ANAPC5: variants seen among roughly 807,000 people sequenced by gnomAD.
ANAPC5 encodes the protein anaphase promoting complex subunit 5, also known as anaphase-promoting complex subunit 5.
ANAPC5 carries 60 observed loss-of-function variants against 91.3 expected under a neutral mutation model. The observed-to-expected ratio is 0.66, with a 90% CI of 0.53 to 0.81. The LOEUF (loss-of-function observed/expected upper bound fraction) is 0.81. Ranked by LOEUF, ANAPC5 falls within the 40% of genes least tolerant of loss-of-function variation. ANAPC5 has a pLI of 0.00. For synonymous variants in ANAPC5, 340 were observed against 364.1 expected (o/e 0.93, Z 0.75); for missense variants, 690 against 931.5 (o/e 0.74, Z 3.37).
chr12:121,313,013 C>T (rs919391089), intron 15 of ANAPC5, among the ~76,000 whole-genome samples: 15 of 152,186 alleles, frequency 9.9e-5, no homozygotes, highest in African/African-American at 3.4e-4. Flanking sequence ...AATCAATAAG[C>T]GAATCTTCCA....
In ANAPC5 at chr12:121,318,718, G is replaced by A. The variant is rs1322673391; in HGVS notation, c.1638-110C>T. Reference sequence around the variant, plus strand: ...CCTCCCAAGGGAAAAAACTGTGCCTGATTTAATTTTTGTTGAAAGAGGCTG... The same window carrying A: ...CCTCCCAAGGGAAAAAACTGTGCCTAATTTAATTTTTGTTGAAAGAGGCTG... On this transcript the variant is annotated intron_variant, in intron 13 of 16. Coordinates refer to ENST00000261819, the MANE Select transcript of ANAPC5 (RefSeq NM_016237.5). 2.7e-5 allele frequency: 28 copies of A among 1,027,380 alleles called. No homozygotes were observed. In the East Asian group the frequency reaches 6.8e-4, roughly 25 times the overall value. The allele number at this position is 1,027,380 out of a possible 1,614,324, so 63.6% of individuals were successfully genotyped here.
intron 15 of ANAPC5, among the ~76,000 whole-genome samples, chr12:121,313,216 C>T (rs974859443): frequency 1.3e-5 from 2 of 152,030 alleles, no homozygotes; most frequent in African/African-American, 4.8e-5. Flanking sequence ...ATCCCAGCTA[C>T]TCGGGAGGCT....
At chr12:121,309,518 C>A (rs956976589) in intron 16 of ANAPC5, among the ~76,000 whole-genome samples, 183 bp downstream of exon 16, 1 of 152,122 alleles carries the variant, frequency 6.6e-6, no homozygotes, top group Non-Finnish European at 1.5e-5. Context: ...CACTTGTCCT[C>A]AATCTTTCTG....
Position 121,309,740 on chromosome 12 carries a change from C to G in ANAPC5, c.2017G>C (p.Ala673Pro). Reference protein sequence around the residue: ...AMFLVAKCQVASAASYDQPKK... With the variant: ...AMFLVAKCQVPSAASYDQPKK... ...GGCTGATCGTAGGAAGCTGCTGAAG[C>G]CACCTGGCACTTGGCCACTAAGAAC... Residue 673 changes from alanine (A) to proline (P), a missense_variant, in exon 16 of 17, where the codon GCT (alanine) becomes CCT (proline). Coordinates refer to ENST00000261819, the MANE Select transcript of ANAPC5 (RefSeq NM_016237.5). The G allele has an allele frequency of 4.3e-6, 7 of 1,614,112 alleles. No individual in the cohort carries two copies. Among genetic ancestry groups the G allele is most frequent in the Non-Finnish European group, 5.9e-6 (7 of 1,179,976 alleles).
intron 5 of ANAPC5, among the ~76,000 whole-genome samples, chr12:121,341,269 A>G (rs1285164621): frequency 6.6e-6 from 1 of 152,218 alleles, no homozygotes; most frequent in Non-Finnish European, 1.5e-5. Context: ...CGAGAGTTCA[A>G]GACCAGCCTG....
At chr12:121,313,035 T>C (rs573889779) in intron 15 of ANAPC5, among the ~76,000 whole-genome samples, 62 of 152,064 alleles carry the variant, frequency 4.1e-4, no homozygotes, top group Middle Eastern at 3.4e-3. Flanking sequence ...CTTAAGAAAC[T>C]AGAAAAGAGG....
intron 9 of ANAPC5, 194 bp from the exon 10 acceptor site, chr12:121,328,691 G>C (rs1320964700): frequency 1.9e-6 from 1 of 528,258 alleles, no homozygotes; most frequent in Non-Finnish European, 3.4e-6. Context: ...GTCTGGGAGA[G>C]AGGCAGAGGG....
chr12:121,346,547 A>G (rs2136818923), intron 3 of ANAPC5: 1 of 200,498 alleles, frequency 5.0e-6, no homozygotes, highest in Non-Finnish European at 9.9e-6. Context: ...TACTATATCA[A>G]TAATGTATTT....
intron 10 of ANAPC5, 23 bp downstream of exon 10, chr12:121,328,293 C>T: frequency 6.2e-7 from 1 of 1,611,530 alleles, no homozygotes; most frequent in Non-Finnish European, 8.5e-7. Context: ...GAATTCACAC[C>T]CCCAGGGCCT....
rs75734416 is a variant in ANAPC5 at position 121,322,586 on chromosome 12, G to A, written c.1441-2127C>T. On this transcript the variant is annotated intron_variant, in intron 11 of 16. Coordinates refer to ENST00000261819, the MANE Select transcript of ANAPC5 (RefSeq NM_016237.5). ...ATTTATATCATCGTAGTATTTTATC[G>A]GGAAAATCAATTATGGTACATGAAA... 8.2e-3 allele frequency among the ~76,000 whole-genome samples: 1,247 copies of A among 152,116 alleles called. 18 individuals carry two copies. Among genetic ancestry groups the A allele is most frequent in the South Asian group, 0.044 (212 of 4,824 alleles).
At chr12:121,328,663 G>A in intron 9 of ANAPC5, 166 bp from the exon 10 acceptor site, 1 of 604,190 alleles carries the variant, frequency 1.7e-6, no homozygotes, top group South Asian at 2.3e-5. Context: ...CATACGAGAT[G>A]TGTTCCTGAA....
chr12:121,320,307 G>T, intron 12 of ANAPC5, 78 bp downstream of exon 12: 2 of 1,380,134 alleles, frequency 1.4e-6, no homozygotes, highest in African/African-American at 1.4e-5. Flanking sequence ...TCTGAGGGGA[G>T]ATTATGTCCC....
chr12:121,319,806 A>G lies in ANAPC5; in HGVS notation c.1528T>C (p.Cys510Arg), dbSNP rs1432695204. 5.0e-6 allele frequency: 8 copies of G among 1,603,510 alleles called. No homozygotes were observed. Among genetic ancestry groups the G allele is most frequent in the Non-Finnish European group, 6.8e-6 (8 of 1,176,464 alleles). The change falls in exon 13 of 17, where the codon TGT becomes CGT. Residue 510 changes from cysteine (C) to arginine (R), a missense_variant. Cys to Arg is a radical substitution (Grantham distance 180). This residue lies in a region of ANAPC5 where 317 missense variants were observed against 438.7 expected (regional missense o/e 0.72). Coordinates refer to ENST00000261819, the MANE Select transcript of ANAPC5 (RefSeq NM_016237.5). ...CTGTCAAACTGTATTTTTTGATCAC[A>G]TAGCATCCATAACTAGTAAGAAAAA... is the stretch of plus-strand genomic sequence containing the variant. ...NSQHAQLWMLCDQKIQFDRAM... is the reference protein window; with the variant it reads ...NSQHAQLWMLRDQKIQFDRAM...
chr12:121,337,918 C>G (rs1056216555), intron 5 of ANAPC5, among the ~76,000 whole-genome samples: 4 of 152,140 alleles, frequency 2.6e-5, no homozygotes, highest in Non-Finnish European at 5.9e-5. Context: ...TTATGGGAGC[C>G]AGGTGGCTTG....
At chr12:121,345,742 T>C in intron 4 of ANAPC5, 97 bp downstream of exon 4, 1 of 1,285,468 alleles carries the variant, frequency 7.8e-7, no homozygotes, top group Non-Finnish European at 1.1e-6. Context: ...AAAAAGGGCA[T>C]AAGCCAGCAC....
intron 15 of ANAPC5, among the ~76,000 whole-genome samples, chr12:121,316,192 T>C (rs139696351): frequency 1.2e-3 from 185 of 152,274 alleles, no homozygotes; most frequent in African/African-American, 4.2e-3. Context: ...CATGAAAAGA[T>C]ACTCAACATC....
At chr12:121,315,020 G>A (rs750186495) in intron 15 of ANAPC5, among the ~76,000 whole-genome samples, 5 of 151,988 alleles carry the variant, frequency 3.3e-5, no homozygotes, top group Non-Finnish European at 7.4e-5. Context: ...AAGTGGGAAT[G>A]GAAGAGGTAA....
intron 11 of ANAPC5, among the ~76,000 whole-genome samples, chr12:121,325,594 T>C (rs988207918): frequency 6.6e-5 from 10 of 151,902 alleles, no homozygotes; most frequent in Non-Finnish European, 5.9e-5. Flanking sequence ...TCGCCAGGCA[T>C]GGTGGCTCAC....
At chr12:121,338,688 A>C (rs1184224498) in intron 5 of ANAPC5, among the ~76,000 whole-genome samples, 1 of 152,188 alleles carries the variant, frequency 6.6e-6, no homozygotes, top group African/African-American at 2.4e-5. Flanking sequence ...GAAGAAAACA[A>C]AAATCTTCTG....
Sources: allele counts gnomAD v4.1 joint callset (sites outside exome capture counted in the v4.1 genomes callset), GRCh38; gene constraint gnomAD v4.1.1; regional missense constraint gnomAD v4.1.1; transcripts MANE v1.5; gene names NCBI Gene and HGNC (gene_info 2026-07-23, HGNC 2026-07-21).